Variants in IL1RAPL2 observed in about 807,000 individuals in gnomAD.
IL1RAPL2 encodes X-linked interleukin-1 receptor accessory protein-like 2.
In IL1RAPL2, 3 loss-of-function variants were observed where a neutral mutation model predicts 44.1. That is an observed-to-expected ratio of 0.07 (90% CI 0.03 to 0.18). The LOEUF is 0.18. Among genes scored for constraint, IL1RAPL2 ranks in the 10% least tolerant of loss-of-function variants. The pLI is 1.00. For missense variants in IL1RAPL2, 391 were observed against 496.4 expected (o/e 0.79, Z 2.02); for synonymous variants, 181 against 178.8 (o/e 1.01, Z -0.10).
chrX:104,761,981 CT>C (rs1208109268), intron 2 of IL1RAPL2, among the ~76,000 whole-genome samples: 13 of 94,119 alleles, frequency 1.4e-4, no homozygotes, highest in East Asian at 3.2e-4. Flanking sequence ...TCTTCTTCTT[CT>C]TCCTCCTCCT....
intron 6 of IL1RAPL2, among the ~76,000 whole-genome samples, chrX:105,511,137 A>G (rs2036466841): frequency 9.0e-6 from 1 of 111,653 alleles, no homozygotes; most frequent in South Asian, 3.7e-4. Flanking sequence ...AGATCTAACT[A>G]AGCTTTATTA....
Position 105,059,167 on chromosome X carries a change from A to T in IL1RAPL2, c.83-136308A>T, listed in dbSNP as rs149413114. On this transcript the variant is annotated intron_variant, in intron 2 of 10. Coordinates refer to ENST00000372582, the MANE Select transcript of IL1RAPL2 (RefSeq NM_017416.2). ...TCTTTCAGTTATCTTAAGATGTAAA[A>T]TAAATTACTGTTGACTAGTCATCCA... 7.5e-3 allele frequency among the ~76,000 whole-genome samples: 841 copies of T among 112,205 alleles called. 13 individuals are homozygous for T. The highest frequency in any genetic ancestry group is 0.026 in the African/African-American group (803 of 30,920).
intron 3 of IL1RAPL2, among the ~76,000 whole-genome samples, chrX:105,204,257 C>G (rs1335471669): frequency 2.7e-5 from 3 of 111,406 alleles, no homozygotes; most frequent in African/African-American, 9.8e-5. Flanking sequence ...CAGCTTAATC[C>G]CTTGTGTGGC....
intron 5 of IL1RAPL2, among the ~76,000 whole-genome samples, chrX:105,384,463 T>C (rs2035461555): frequency 9.0e-6 from 1 of 111,488 alleles, no homozygotes; most frequent in Non-Finnish European, 1.9e-5. Flanking sequence ...GTTATTTTAG[T>C]CTATGTGTCT....
At chrX:104,905,129 C>T (rs1319478041) in intron 2 of IL1RAPL2, among the ~76,000 whole-genome samples, 3 of 111,382 alleles carry the variant, frequency 2.7e-5, no homozygotes, top group African/African-American at 6.5e-5. Context: ...TCATGTCCTT[C>T]CCCCACTTTT....
At chrX:105,704,355 A>G (rs182068824) in intron 6 of IL1RAPL2, among the ~76,000 whole-genome samples, 2 of 111,700 alleles carry the variant, frequency 1.8e-5, no homozygotes, top group South Asian at 3.7e-4. Flanking sequence ...CATCAACTCA[A>G]CTAAGATATC....
intron 2 of IL1RAPL2, among the ~76,000 whole-genome samples, chrX:104,707,807 A>G (rs1240048655): frequency 8.9e-6 from 1 of 111,979 alleles, no homozygotes; most frequent in Non-Finnish European, 1.9e-5. Context: ...TCTGTGACTC[A>G]TAACTTAACT....
chrX:105,337,525 C>T (rs1258143510), intron 5 of IL1RAPL2, among the ~76,000 whole-genome samples: 2 of 112,111 alleles, frequency 1.8e-5, no homozygotes, highest in Non-Finnish European at 3.8e-5. Context: ...AGAATGGGTA[C>T]TTATTTCCCT....
At chrX:105,549,859 T>C (rs2036837719) in intron 6 of IL1RAPL2, among the ~76,000 whole-genome samples, 1 of 111,984 alleles carries the variant, frequency 8.9e-6, no homozygotes, top group Admixed American at 9.5e-5. Context: ...ATTCTAAATC[T>C]TAGGCTGCAG....
At chrX:104,887,693 A>T (rs2076558394) in intron 2 of IL1RAPL2, among the ~76,000 whole-genome samples, 1 of 111,767 alleles carries the variant, frequency 8.9e-6, no homozygotes, top group South Asian at 3.8e-4. Flanking sequence ...GAGGATGGGG[A>T]ACCAATCGAG....
chrX:105,435,751 A>G (rs2035877439), intron 5 of IL1RAPL2, among the ~76,000 whole-genome samples: 1 of 111,617 alleles, frequency 9.0e-6, no homozygotes, highest in African/African-American at 3.3e-5. Flanking sequence ...AGTTACGTGG[A>G]TGAAGCTGGA....
chrX:105,394,957 C>T (rs1422990740), intron 5 of IL1RAPL2, among the ~76,000 whole-genome samples: 3 of 111,487 alleles, frequency 2.7e-5, no homozygotes, highest in African/African-American at 9.8e-5. Flanking sequence ...ACTCTCCTTC[C>T]TCTGGTTACC....
intron 8 of IL1RAPL2, among the ~76,000 whole-genome samples, chrX:105,744,713 A>G (rs10126447): frequency 0.16 from 17,722 of 111,058 alleles, 1,320 homozygotes; most frequent in South Asian, 0.31. Context: ...CTTCTTACCT[A>G]TCTGTCTTCT....
chrX:105,690,930 C>G (rs143272413), intron 6 of IL1RAPL2, among the ~76,000 whole-genome samples: 81 of 111,225 alleles, frequency 7.3e-4, no homozygotes, highest in African/African-American at 2.4e-3. Flanking sequence ...AAGGTGCCAG[C>G]AAGATAGGTT....
intron 5 of IL1RAPL2, among the ~76,000 whole-genome samples, chrX:105,342,225 G>A (rs1215495790): frequency 1.9e-5 from 2 of 107,716 alleles, no homozygotes; most frequent in Admixed American, 1.0e-4. Context: ...TGAGTTAATG[G>A]GTACAGCACA....
chrX:104,946,405 A>AAAAAAAAAC (rs1277598577), intron 2 of IL1RAPL2, among the ~76,000 whole-genome samples: 1 of 96,507 alleles, frequency 1.0e-5, no homozygotes, highest in Non-Finnish European at 2.1e-5. Context: ...AAAAAAAAAA[A>AAAAAAAAAC]AAAACTTTTT....
At chrX:105,324,177 T>TG (rs1423873278) in intron 5 of IL1RAPL2, among the ~76,000 whole-genome samples, 1 of 109,563 alleles carries the variant, frequency 9.1e-6, no homozygotes, top group Non-Finnish European at 1.9e-5. Flanking sequence ...GGCAAGGTAA[T>TG]GAGTCAGAGA....
chrX:105,353,414 G>A (rs192629863), intron 5 of IL1RAPL2, among the ~76,000 whole-genome samples: 4 of 111,339 alleles, frequency 3.6e-5, no homozygotes, highest in Non-Finnish European at 7.5e-5. Context: ...GGCAACGCGG[G>A]CTCTTTTTTG....
chrX:104,644,138 A>G (rs1001576948), intron 1 of IL1RAPL2, among the ~76,000 whole-genome samples: 4 of 111,677 alleles, frequency 3.6e-5, no homozygotes, highest in African/African-American at 1.3e-4. Context: ...ACATGTGCAC[A>G]ATATGCAGGT....
Sources: gnomAD v4.1 joint callset for allele counts (sites outside exome capture counted in the v4.1 genomes callset) on GRCh38, gnomAD v4.1.1 for gene constraint, MANE v1.5 for transcripts, NCBI Gene and HGNC (gene_info 2026-07-23, HGNC 2026-07-21) for gene names.